SLC2A7: variants seen among roughly 807,000 people sequenced by gnomAD.
SLC2A7 encodes the protein solute carrier family 2, facilitated glucose transporter member 7.
In SLC2A7, 50 loss-of-function variants were observed where a neutral mutation model predicts 50.5. The observed-to-expected ratio is 0.99, with a 90% CI of 0.79 to 1.25. SLC2A7 has a LOEUF of 1.25. Among genes scored for constraint, SLC2A7 ranks in the 50% most tolerant of loss-of-function variants. The pLI, the probability that SLC2A7 is intolerant of heterozygous loss-of-function variation, is 0.00. For missense variants in SLC2A7, 683 were observed against 679.1 expected, an observed-to-expected ratio of 1.01 and a Z score of -0.06; for synonymous variants, 308 against 300.4, an observed-to-expected ratio of 1.03 and a Z score of -0.26.
At chr1:9,022,527 C>T (rs889807184) in intron 3 of SLC2A7, among the ~76,000 whole-genome samples, 1 of 152,096 alleles carries the variant, frequency 6.6e-6, no homozygotes, top group Non-Finnish European at 1.5e-5. Flanking sequence ...GGCAAAGACA[C>T]GCGGGGAGAG....
At chr1:9,011,030 C>A (rs1030379132) in intron 8 of SLC2A7, among the ~76,000 whole-genome samples, 1 of 152,250 alleles carries the variant, frequency 6.6e-6, no homozygotes, top group Non-Finnish European at 1.5e-5. Context: ...GCATCACCTG[C>A]CCTAACACCC....
At chr1:8,994,272 C>T in the SLC2A7 span, among the ~76,000 whole-genome samples, 1 of 152,208 alleles carries the variant, frequency 6.6e-6, no homozygotes, top group Non-Finnish European at 1.5e-5. Context: ...GTGCATCTTT[C>T]CTTATCTGTG....
In SLC2A7 at chr1:9,008,737, C is replaced by T. The variant is rs1424494981; in HGVS notation, c.1117-1352G>A. Among the ~76,000 whole-genome samples the T allele has an allele frequency of 6.6e-6, 1 of 151,818 alleles. No homozygotes were observed. The highest frequency in any genetic ancestry group is 1.5e-5 in the Non-Finnish European group (1 of 67,966). On this transcript the variant is annotated intron_variant, in intron 9 of 11. Transcript: ENST00000400906. The surrounding 1 kb of genome is among the most constrained non-coding windows in gnomAD (Gnocchi z 5.9). The stretch of plus-strand genomic sequence containing the variant: ...TCAGCCTCCCGAGTAACTGGGATTA[C>T]AGGCACACGCCACCACACCCGACTA...
intron 5 of SLC2A7, 84 bp downstream of exon 5, chr1:9,018,125 ATCATCTCTCGGGTC>A: frequency 2.0e-6 from 3 of 1,517,518 alleles, no homozygotes; most frequent in Non-Finnish European, 2.7e-6. Flanking sequence ...TGACCCTAAA[ATCATCTCTCGGGTC>A]TCATCTGACT....
At chr1:9,006,467 C>T (rs1020225913) in intron 10 of SLC2A7, among the ~76,000 whole-genome samples, 2 of 149,232 alleles carry the variant, frequency 1.3e-5, no homozygotes, top group Non-Finnish European at 1.5e-5. Context: ...AGGCTGGTCT[C>T]GAACTTCTGA....
At chr1:9,024,747 C>T (rs1640968796) in intron 2 of SLC2A7, among the ~76,000 whole-genome samples, 1 of 152,170 alleles carries the variant, frequency 6.6e-6, no homozygotes, top group African/African-American at 2.4e-5. Flanking sequence ...CCCCCAGCAT[C>T]CCAATGTGCC....
At chr1:9,024,379 CAAAT>C (rs1330118967) in intron 2 of SLC2A7, among the ~76,000 whole-genome samples, 1 of 152,144 alleles carries the variant, frequency 6.6e-6, no homozygotes, top group African/African-American at 2.4e-5. Context: ...AATACACAAA[CAAAT>C]GTAATACAGT....
chr1:9,009,843 G>T (rs986937090), intron 9 of SLC2A7, among the ~76,000 whole-genome samples: 4 of 152,200 alleles, frequency 2.6e-5, no homozygotes, highest in African/African-American at 7.2e-5. Flanking sequence ...TAATGCGGTG[G>T]CATCCTTGCA....
Position 9,010,140 on chromosome 1 carries a change from G to A in SLC2A7, c.1116+3C>T. On this transcript the variant is annotated splice_donor_region_variant and intron_variant, in intron 9 of 11. Coordinates refer to ENST00000400906, the MANE Select transcript of SLC2A7 (RefSeq NM_207420.3). ...ACCCAGGGGGCAGGAAATGAGGTCAGACCTGGAATAGGAGCACCACCGTCA... is the reference window on the plus strand; with the variant it reads ...ACCCAGGGGGCAGGAAATGAGGTCAAACCTGGAATAGGAGCACCACCGTCA... 1 of 1,551,914 alleles carries A rather than the reference G, an allele frequency of 6.4e-7. No homozygotes were observed. The highest frequency in any genetic ancestry group is 8.7e-7 in the Non-Finnish European group (1 of 1,147,120).
chr1:9,013,878 T>C (rs985818094), intron 7 of SLC2A7, among the ~76,000 whole-genome samples: 1 of 152,134 alleles, frequency 6.6e-6, no homozygotes, highest in Non-Finnish European at 1.5e-5. Context: ...TTGGCGTCTA[T>C]AAAATGGAAG....
the SLC2A7 span, among the ~76,000 whole-genome samples, chr1:8,994,338 A>G: frequency 6.6e-6 from 1 of 152,202 alleles, no homozygotes; most frequent in South Asian, 2.1e-4. Flanking sequence ...AATCTGTGTA[A>G]GCCAAGCAAA....
chr1:9,022,894 G>A (rs1210744784), intron 3 of SLC2A7, 24 bp downstream of exon 3: 1 of 1,610,058 alleles, frequency 6.2e-7, no homozygotes, highest in East Asian at 2.2e-5. Flanking sequence ...AATTTTAAGT[G>A]GGAGCAGTGC....
chr1:9,004,679 C>A, intron 11 of SLC2A7, 73 bp downstream of exon 11: 1 of 1,566,368 alleles, frequency 6.4e-7, no homozygotes, highest in Non-Finnish European at 8.7e-7. Context: ...CACAGATGTG[C>A]TTAGCGGAAG....
rs1640695616 is a variant in SLC2A7, at chr1:9,008,647, G to A, written c.1117-1262C>T. 6.7e-6 allele frequency among the ~76,000 whole-genome samples: 1 copy of A among 150,360 alleles called. No individual in the cohort carries two copies. On this transcript the variant is annotated intron_variant, in intron 9 of 11. Coordinates refer to ENST00000400906, the MANE Select transcript of SLC2A7 (RefSeq NM_207420.3). The surrounding 1 kb of genome is among the most constrained non-coding windows in gnomAD (Gnocchi z 5.9). ...AGAATCTCGCTCTGTCACCCAGGCT[G>A]GAGCAGTGCTGTGATCTTGGCTCAC...
chr1:9,019,806 C>G (rs1167625249), intron 3 of SLC2A7, among the ~76,000 whole-genome samples: 1 of 152,130 alleles, frequency 6.6e-6, no homozygotes. Flanking sequence ...TGCCTGTAAT[C>G]TCAGCTACTC....
chr1:9,023,835 C>CTTTTTTTTTTTTTTT lies in SLC2A7; in HGVS notation c.151-758_151-757insAAAAAAAAAAAAAAA, dbSNP rs1557653846. ...CAGAGGCACCATAGGAAATATTCTT[C>CTTTTTTTTTTTTTTT]TTCTTTTTTTTTTTTTTTTTTTTTT... On this transcript the variant is annotated intron_variant, in intron 2 of 11. Transcript: ENST00000400906. Among the ~76,000 whole-genome samples the CTTTTTTTTTTTTTTT allele has an allele frequency of 7.6e-5, 5 of 65,998 alleles. 1 individual carries two copies. Among genetic ancestry groups the CTTTTTTTTTTTTTTT allele is most frequent in the African/African-American group, 9.7e-5 (2 of 20,532 alleles). The allele number at this position is 65,998 out of a possible 152,430, so 43.3% of individuals were successfully genotyped here.
chr1:9,019,187 C>A, intron 4 of SLC2A7, 22 bp downstream of exon 4: 1 of 1,611,126 alleles, frequency 6.2e-7, no homozygotes, highest in Non-Finnish European at 8.5e-7. Context: ...CAAGGCTGAG[C>A]CGGAGCCTGG....
chr1:8,992,725 C>T, the SLC2A7 span, among the ~76,000 whole-genome samples: 25,157 of 152,068 alleles, frequency 0.17, 2,150 homozygotes, highest in Middle Eastern at 0.29. Flanking sequence ...CCAGTATAGC[C>T]GGAGCCCAGG....
At chr1:9,025,185 C>T in intron 1 of SLC2A7, 111 bp from the exon 2 acceptor site, 2 of 1,113,762 alleles carry the variant, frequency 1.8e-6, no homozygotes, top group Non-Finnish European at 1.3e-6. Context: ...GATGGGGGAT[C>T]CCAGGCCGTG....
Sources: gnomAD v4.1 joint callset for allele counts (sites outside exome capture counted in the v4.1 genomes callset) on GRCh38, gnomAD v4.1.1 for gene constraint, Gnocchi (gnomAD v3.1) non-coding constraint, MANE v1.5 for transcripts, NCBI Gene and HGNC (gene_info 2026-07-23, HGNC 2026-07-21) for gene names.